Variants in CAST observed in about 807,000 individuals in gnomAD.
CAST encodes the protein MIR583 host.
Under a neutral mutation model 119.6 loss-of-function variants are expected in CAST, and 76 were observed. That is an observed-to-expected ratio of 0.64 (90% CI 0.53 to 0.77). The LOEUF is 0.77. Ranked by LOEUF, CAST falls within the 30% of genes least tolerant of loss-of-function variation. The probability of loss-of-function intolerance (pLI) is 0.00; values close to 1 mark genes in which losing one functional copy is unlikely to be tolerated. For synonymous variants in CAST, 319 were observed against 331.6 expected (o/e 0.96, Z 0.41); for missense variants, 953 against 946.5 (o/e 1.01, Z -0.09).
At chr5:96,163,679 G>A in the CAST span, among the ~76,000 whole-genome samples, 1 of 152,158 alleles carries the variant, frequency 6.6e-6, no homozygotes, top group Non-Finnish European at 1.5e-5. Context: ...CAAGACTTAG[G>A]ACATCCTTAG....
At chr5:96,042,660 G>A in the CAST span, among the ~76,000 whole-genome samples, 96,583 of 152,018 alleles carry the variant, frequency 0.64, 30,781 homozygotes, top group Middle Eastern at 0.69. Context: ...GTAAAAAGTT[G>A]GAGTAGCTGT....
At chr5:96,006,378 G>A in the CAST span, among the ~76,000 whole-genome samples, 10 of 123,046 alleles carry the variant, frequency 8.1e-5, no homozygotes, top group South Asian at 1.8e-3. Context: ...AAGAAAAATC[G>A]CAAAAAAAAA....
At chr5:96,584,458 A>G (rs958656210) in intron 1 of CAST, 7 of 152,262 alleles carry the variant, frequency 4.6e-5, no homozygotes, top group African/African-American at 1.7e-4. Context: ...GTGTAAATAT[A>G]TATGACATTG....
chr5:96,436,921 A>G, the CAST span, among the ~76,000 whole-genome samples: 5 of 152,088 alleles, frequency 3.3e-5, no homozygotes, highest in Admixed American at 6.6e-5. Context: ...TAGAGTATGA[A>G]CTCCTCCAGC....
At chr5:96,701,315 C>T (rs1345848699) in intron 3 of CAST, among the ~76,000 whole-genome samples, 6 of 152,162 alleles carry the variant, frequency 3.9e-5, no homozygotes, top group African/African-American at 7.2e-5. Flanking sequence ...CATTGAGCTG[C>T]CTAACTCTGG....
chr5:96,673,810 A>G (rs968107988), intron 1 of CAST, among the ~76,000 whole-genome samples: 1 of 152,216 alleles, frequency 6.6e-6, no homozygotes, highest in African/African-American at 2.4e-5. Context: ...TAAAAGATTC[A>G]TTTAATTATT....
chr5:96,140,279 A>G, the CAST span, among the ~76,000 whole-genome samples: 3 of 152,194 alleles, frequency 2.0e-5, no homozygotes, highest in Admixed American at 1.3e-4. Flanking sequence ...ACCATGTGAA[A>G]TCAACATTAT....
chr5:96,416,778 C>A, the CAST span, among the ~76,000 whole-genome samples: 1 of 152,158 alleles, frequency 6.6e-6, no homozygotes, highest in Non-Finnish European at 1.5e-5. Context: ...GGCCAGAAGC[C>A]TGAACATGAT....
rs181685099 is a variant in CAST at position 96,662,801 on chromosome 5, G to A, written c.75+304G>A. 3.7e-3 allele frequency among the ~76,000 whole-genome samples: 569 copies of A among 152,320 alleles called. 4 individuals carry two copies. The highest frequency in any genetic ancestry group is 0.013 in the African/African-American group (539 of 41,574). ...GAGGATGAGGATGAACGGGGAATGA[G>A]GTTCACTCAGGACCCCCGAGTGAGT... On this transcript the variant is annotated intron_variant, in intron 1 of 31. Transcript: ENST00000675179.
the CAST span, among the ~76,000 whole-genome samples, chr5:96,110,351 A>G: frequency 6.6e-6 from 1 of 152,222 alleles, no homozygotes; most frequent in Admixed American, 6.5e-5. Context: ...TATAGTTTCA[A>G]AATCAATCAA....
chr5:96,108,553 G>A, the CAST span, among the ~76,000 whole-genome samples: 3 of 152,228 alleles, frequency 2.0e-5, no homozygotes, highest in Non-Finnish European at 4.4e-5. Context: ...AGGGGTCAGG[G>A]ACCCACTTGA....
the CAST span, among the ~76,000 whole-genome samples, chr5:96,103,055 T>C: frequency 6.6e-6 from 1 of 152,106 alleles, no homozygotes; most frequent in Non-Finnish European, 1.5e-5. Context: ...GGATAAAGAT[T>C]CATGTCATAG....
In CAST at chr5:96,750,638, T is replaced by C; in HGVS notation, c.1480T>C (p.Ser494Pro). 1 of 1,613,462 alleles carries C rather than the reference T, an allele frequency of 6.2e-7. No homozygotes were observed. Among genetic ancestry groups the C allele is most frequent in the Non-Finnish European group, 8.5e-7 (1 of 1,179,528 alleles). Reference protein sequence around the residue: ...APVSEAVCRTSMCSIQSAPPE... With the variant: ...APVSEAVCRTPMCSIQSAPPE... ...TGTGTCGGAGGCTGTGTGTCGGACCTCCATGTGTAGTATACAGTCAGCACC... is the reference window on the plus strand; with the variant it reads ...TGTGTCGGAGGCTGTGTGTCGGACCCCCATGTGTAGTATACAGTCAGCACC... The change falls in exon 20 of 32, where the codon TCC becomes CCC. Residue 494 changes from serine to proline, a missense_variant. Coordinates refer to ENST00000675179, the MANE Select transcript of CAST (RefSeq NM_001750.7).
At chr5:96,147,598 G>A in the CAST span, among the ~76,000 whole-genome samples, 5 of 146,850 alleles carry the variant, frequency 3.4e-5, no homozygotes, top group African/African-American at 9.8e-5. Flanking sequence ...GCGAGACTCC[G>A]TCTCAAAAAC....
the CAST span, among the ~76,000 whole-genome samples, chr5:96,345,794 G>A: frequency 6.6e-6 from 1 of 152,220 alleles, no homozygotes; most frequent in African/African-American, 2.4e-5. Flanking sequence ...GCTTCCCTCA[G>A]TTCCTTGTCA....
At chr5:96,021,737 C>T in the CAST span, among the ~76,000 whole-genome samples, 64 of 152,230 alleles carry the variant, frequency 4.2e-4, no homozygotes, top group Middle Eastern at 3.4e-3. Context: ...TGAGCCACTG[C>T]GCCTGGCTGA....
At chr5:96,555,555 C>T (rs753443220) in intron 1 of CAST, among the ~76,000 whole-genome samples, 7 of 152,176 alleles carry the variant, frequency 4.6e-5, no homozygotes, top group Non-Finnish European at 8.8e-5. Context: ...AAGGTCTTAG[C>T]AAACGGCACA....
the CAST span, among the ~76,000 whole-genome samples, chr5:96,114,728 T>C: frequency 1.3e-5 from 2 of 152,210 alleles, no homozygotes. Flanking sequence ...GGGAGAAGCG[T>C]AATGGAGTTG....
intron 4 of CAST, 75 bp downstream of exon 4, chr5:96,722,773 T>G: frequency 9.9e-7 from 1 of 1,014,702 alleles, no homozygotes; most frequent in South Asian, 1.3e-5. Context: ...GTAGACTAAT[T>G]GTTGATGATG....
Sources: gnomAD v4.1 joint callset for allele counts (sites outside exome capture counted in the v4.1 genomes callset) on GRCh38, gnomAD v4.1.1 for gene constraint, MANE v1.5 for transcripts, NCBI Gene and HGNC (gene_info 2026-07-23, HGNC 2026-07-21) for gene names.